SLC35F1: variants seen among roughly 807,000 people sequenced by gnomAD.
SLC35F1 encodes the protein chromosome 6 open reading frame 169.
In SLC35F1, 14 loss-of-function variants were observed where a neutral mutation model predicts 48.7. The ratio of observed to expected loss-of-function variants is 0.29; its 90% CI spans 0.19 to 0.45. SLC35F1 has a LOEUF of 0.45. Ranked by LOEUF, SLC35F1 falls within the 20% of genes least tolerant of loss-of-function variation. The pLI, the probability that SLC35F1 is intolerant of heterozygous loss-of-function variation, is 1.00. For synonymous variants in SLC35F1, 190 were observed against 202.2 expected, an observed-to-expected ratio of 0.94 and a Z score of 0.51; for missense variants, 404 against 500.0, an observed-to-expected ratio of 0.81 and a Z score of 1.83.
chr6:118,163,609 T>A (rs573523206), intron 2 of SLC35F1, among the ~76,000 whole-genome samples: 18 of 152,370 alleles, frequency 1.2e-4, no homozygotes, highest in Non-Finnish European at 2.5e-4. Context: ...TGGAAATCTT[T>A]AAGCATTCAT....
In SLC35F1 at chr6:118,154,538, C is replaced by G; in HGVS notation, c.267C>G (p.His89Gln). ...GCAAGTATCTGTCAGAAGATTTCCA[C>G]GCCAACACACCAGTCTTCCAGAGTT... ...LTSKYLSEDF[H>Q]ANTPVFQSFL... Residue 89 changes from histidine (H) to glutamine (Q), a missense_variant, in exon 2 of 8, where the codon CAC (histidine) becomes CAG (glutamine). Around this residue, in one of 2 missense-constraint regions of SLC35F1, gnomAD observed 306 missense variants for 419.1 expected, o/e 0.73. Transcript: ENST00000360388. 1.9e-6 allele frequency: 3 copies of G among 1,614,044 alleles called. No homozygotes were observed. The highest frequency in any genetic ancestry group is 2.5e-6 in the Non-Finnish European group (3 of 1,179,960).
At chr6:118,048,614 T>C (rs1461522194) in intron 1 of SLC35F1, among the ~76,000 whole-genome samples, 3 of 152,138 alleles carry the variant, frequency 2.0e-5, no homozygotes, top group Non-Finnish European at 4.4e-5. Context: ...CCATTCACAA[T>C]TGCTTCAAAG....
rs569751647 is a variant in SLC35F1, at chr6:118,013,078, T to C, written c.173+105179T>C. Among the ~76,000 whole-genome samples, 55 of 152,306 alleles carry C rather than the reference T, an allele frequency of 3.6e-4. 1 individual carries two copies. In the East Asian group the frequency reaches 0.011, roughly 29 times the overall value. ...TGGGAAAACACGACAGCTATTTCCC[T>C]GTTTTCTGCAGCTCAATGAAGAGTT... On this transcript the variant is annotated intron_variant, in intron 1 of 7. Coordinates refer to ENST00000360388, the MANE Select transcript of SLC35F1 (RefSeq NM_001029858.4).
At chr6:118,026,482 A>G (rs1029866484) in intron 1 of SLC35F1, among the ~76,000 whole-genome samples, 4 of 152,170 alleles carry the variant, frequency 2.6e-5, no homozygotes, top group Non-Finnish European at 5.9e-5. Context: ...TGACTTTAGG[A>G]TGTGTTAATA....
intron 1 of SLC35F1, among the ~76,000 whole-genome samples, chr6:117,952,005 C>G (rs901931578): frequency 1.3e-5 from 2 of 152,266 alleles, no homozygotes; most frequent in Non-Finnish European, 2.9e-5. Context: ...TGGCTGCCAG[C>G]CGGCAGCCTG....
chr6:118,002,708 G>T (rs575716791), intron 1 of SLC35F1, among the ~76,000 whole-genome samples: 1 of 151,546 alleles, frequency 6.6e-6, no homozygotes, highest in Non-Finnish European at 1.5e-5. Flanking sequence ...GTGACTGTTT[G>T]CTATCAGAGA....
At chr6:118,213,567 CTG>C (rs944442696) in intron 2 of SLC35F1, among the ~76,000 whole-genome samples, 5 of 152,256 alleles carry the variant, frequency 3.3e-5, no homozygotes, top group African/African-American at 1.2e-4. Context: ...TGGAAATAAA[CTG>C]TGAGTCCCAC....
intron 1 of SLC35F1, among the ~76,000 whole-genome samples, chr6:118,125,525 T>A (rs186609030): frequency 2.0e-4 from 31 of 152,290 alleles, no homozygotes; most frequent in Admixed American, 8.5e-4. Context: ...ACTGGCCCTG[T>A]TTATTTGTGA....
At chr6:117,910,770 T>C (rs1338370626) in intron 1 of SLC35F1, among the ~76,000 whole-genome samples, 1 of 152,166 alleles carries the variant, frequency 6.6e-6, no homozygotes, top group Non-Finnish European at 1.5e-5. Context: ...TATTAGACTG[T>C]GAGCAAGCCA....
intron 2 of SLC35F1, among the ~76,000 whole-genome samples, chr6:118,185,761 A>G (rs1774647602): frequency 6.6e-6 from 1 of 152,114 alleles, no homozygotes; most frequent in Non-Finnish European, 1.5e-5. Context: ...TTACTCATCC[A>G]GTAGACCCTT....
At chr6:118,213,514 C>T (rs1160335545) in intron 2 of SLC35F1, among the ~76,000 whole-genome samples, 1 of 151,884 alleles carries the variant, frequency 6.6e-6, no homozygotes, top group Non-Finnish European at 1.5e-5. Context: ...TTACACAGGC[C>T]CAGAGACATG....
At chr6:118,038,278 AT>A (rs1417028149) in intron 1 of SLC35F1, among the ~76,000 whole-genome samples, 6 of 151,838 alleles carry the variant, frequency 4.0e-5, no homozygotes, top group Admixed American at 3.3e-4. Context: ...CCCATTTCTG[AT>A]TTTTTTCTTC....
At chr6:117,998,945 A>C in intron 1 of SLC35F1, 1 of 842,296 alleles carries the variant, frequency 1.2e-6, no homozygotes, top group Non-Finnish European at 2.0e-6. Flanking sequence ...GGTTCTAGGC[A>C]CTTCGGGAGC....
intron 4 of SLC35F1, 148 bp from the exon 5 acceptor site, chr6:118,275,311 C>G: frequency 1.2e-6 from 1 of 860,742 alleles, no homozygotes; most frequent in Non-Finnish European, 1.7e-6. Context: ...CACAGATAAA[C>G]TTTACTAAAT....
At chr6:118,244,077 G>C (rs908703968) in intron 3 of SLC35F1, among the ~76,000 whole-genome samples, 1 of 152,218 alleles carries the variant, frequency 6.6e-6, no homozygotes, top group African/African-American at 2.4e-5. Context: ...ACAGTTTTCT[G>C]TCAGGCTTTT....
At chr6:118,012,576 T>C (rs906000801) in intron 1 of SLC35F1, among the ~76,000 whole-genome samples, 1 of 152,214 alleles carries the variant, frequency 6.6e-6, no homozygotes, top group Non-Finnish European at 1.5e-5. Flanking sequence ...GCTAACTTGC[T>C]AAGTGTCTCC....
chr6:118,210,595 C>T (rs367705796), intron 2 of SLC35F1, among the ~76,000 whole-genome samples: 9 of 152,230 alleles, frequency 5.9e-5, no homozygotes, highest in East Asian at 3.9e-4. Flanking sequence ...GGGTAAGAGC[C>T]GTTCTCAGAC....
At chr6:117,968,177 T>C (rs1776595235) in intron 1 of SLC35F1, among the ~76,000 whole-genome samples, 1 of 152,158 alleles carries the variant, frequency 6.6e-6, no homozygotes, top group East Asian at 1.9e-4. Context: ...TTATCCTCCT[T>C]CTAGACCATA....
At position 118,301,782 on chromosome 6, in the gene SLC35F1, C is replaced by T. The variant is rs138722838; in HGVS notation, c.1003-12246C>T. On this transcript the variant is annotated intron_variant, in intron 7 of 7. Coordinates refer to ENST00000360388, the MANE Select transcript of SLC35F1 (RefSeq NM_001029858.4). ...GTCTCCATCACAACTACACAACTGCCGTGGACATGGCTGAGTTCCAATAAA... is the reference window on the plus strand; with the variant it reads ...GTCTCCATCACAACTACACAACTGCTGTGGACATGGCTGAGTTCCAATAAA... 3.2e-3 allele frequency among the ~76,000 whole-genome samples: 487 copies of T among 152,224 alleles called. 3 individuals are homozygous for T. The highest frequency in any genetic ancestry group is 0.013 in the South Asian group (62 of 4,828).
Sources: allele counts gnomAD v4.1 joint callset (sites outside exome capture counted in the v4.1 genomes callset), GRCh38; gene constraint gnomAD v4.1.1; regional missense constraint gnomAD v4.1.1; transcripts MANE v1.5; gene names NCBI Gene and HGNC (gene_info 2026-07-23, HGNC 2026-07-21).